Variants in PDCD4 observed in about 807,000 individuals in gnomAD.
The protein encoded by PDCD4 is programmed cell death 4.
Under a neutral mutation model 54.0 loss-of-function variants are expected in PDCD4, and 56 were observed. The ratio of observed to expected loss-of-function variants is 1.04; its 90% CI spans 0.84 to 1.30. The LOEUF (loss-of-function observed/expected upper bound fraction) is 1.30, where lower values mean the gene tolerates loss of function less well. Among genes scored for constraint, PDCD4 ranks in the 50% most tolerant of loss-of-function variants. The pLI, the probability that PDCD4 is intolerant of heterozygous loss-of-function variation, is 0.00. For missense variants in PDCD4, 584 were observed against 559.8 expected, an observed-to-expected ratio of 1.04 and a Z score of -0.44; for synonymous variants, 186 against 194.8, an observed-to-expected ratio of 0.95 and a Z score of 0.37.
intron 2 of PDCD4, among the ~76,000 whole-genome samples, chr10:110,876,985 G>T (rs1845515356): frequency 6.6e-6 from 1 of 151,992 alleles, no homozygotes; most frequent in Non-Finnish European, 1.5e-5. Flanking sequence ...ACTCACTATT[G>T]TTTACAATGT....
intron 2 of PDCD4, among the ~76,000 whole-genome samples, chr10:110,877,676 A>G (rs566062372): frequency 1.9e-4 from 29 of 152,286 alleles, no homozygotes; most frequent in African/African-American, 5.8e-4. Flanking sequence ...GCTTGTGTCC[A>G]GCACTGCTTT....
chr10:110,887,699 A>G lies in PDCD4; in HGVS notation c.590A>G (p.Lys197Arg). ...AGAGATTTAAATCTTGGTGAAATGA[A>G]AAGTGGAGTACCAGTGTTGGCAGTA... Reference protein sequence around the residue: ...MLRDLNLGEMKSGVPVLAVSL... With the variant: ...MLRDLNLGEMRSGVPVLAVSL... The change falls in exon 6 of 12, where the codon AAA becomes AGA. Residue 197 changes from lysine (K) to arginine (R), a missense_variant. Lys to Arg is a conservative substitution (Grantham distance 26). Coordinates refer to ENST00000280154, the MANE Select transcript of PDCD4 (RefSeq NM_014456.5). 4 of 1,613,044 alleles carry G rather than the reference A, an allele frequency of 2.5e-6. No individual in the cohort carries two copies. The highest frequency in any genetic ancestry group is 3.4e-6 in the Non-Finnish European group (4 of 1,179,238).
chr10:110,889,342 A>G (rs1845720553), intron 6 of PDCD4, among the ~76,000 whole-genome samples, 191 bp from the exon 7 acceptor site: 1 of 151,930 alleles, frequency 6.6e-6, no homozygotes, highest in Non-Finnish European at 1.5e-5. Context: ...CTTAACTTGA[A>G]GGTTAAGATG....
chr10:110,894,416 T>A lies in PDCD4; in HGVS notation c.1103T>A (p.Ile368Asn). 1 of 1,493,214 alleles carries A rather than the reference T, an allele frequency of 6.7e-7. No individual in the cohort carries two copies. Among genetic ancestry groups the A allele is most frequent in the Non-Finnish European group, 9.3e-7 (1 of 1,074,216 alleles). The allele number at this position is 1,493,214 out of a possible 1,614,324, so 92.5% of individuals were successfully genotyped here. A position where few individuals can be genotyped will look rare whatever the true frequency, so the allele number is the denominator to read the frequency against. Residue 368 changes from isoleucine (I) to asparagine (N), a missense_variant, in exon 10 of 12, where the codon ATT (isoleucine) becomes AAT (asparagine). Physicochemically the swap from Ile to Asn is moderately radical, Grantham distance 149. Coordinates refer to ENST00000280154, the MANE Select transcript of PDCD4 (RefSeq NM_014456.5). The stretch of plus-strand genomic sequence containing the variant: ...ACTCATTGATTCAATTTTTAGGCTA[T>A]TATAATGGTTTTAGAGTCAACTGGA... ...HFHHELVYEAIIMVLESTGES... is the reference protein window; with the variant it reads ...HFHHELVYEANIMVLESTGES...
chr10:110,887,880 A>G lies in PDCD4; in HGVS notation c.771A>G (p.Ala257=). 1 of 1,594,300 alleles carries G rather than the reference A, an allele frequency of 6.3e-7. No homozygotes were observed. The highest frequency in any genetic ancestry group is 2.2e-5 in the East Asian group (1 of 44,720). Residue 257 remains alanine (A), a synonymous_variant, in exon 6 of 12, where the codon GCA becomes GCG. Coordinates refer to ENST00000280154, the MANE Select transcript of PDCD4 (RefSeq NM_014456.5). Reference sequence around the variant, plus strand: ...AATTAGCACTGGATACTCCTAGAGCACCACAGGTTTGTATGATTCTTCTTT... The same window carrying G: ...AATTAGCACTGGATACTCCTAGAGCGCCACAGGTTTGTATGATTCTTCTTT... ...LPELALDTPR[A]PQLVGQFIAR... is the part of the protein sequence containing the mutation.
chr10:110,884,527 A>C (rs1845639439), intron 4 of PDCD4, among the ~76,000 whole-genome samples: 1 of 152,016 alleles, frequency 6.6e-6, no homozygotes. Flanking sequence ...AATAATGCTA[A>C]TCGTGAAGGC....
Position 110,887,742 on chromosome 10 carries a change from G to A in PDCD4, c.633G>A (p.Gly211=). ...PVLAVSLALE[G]KASHREMTSK... is the part of the protein sequence containing the mutation. Reference sequence around the variant, plus strand: ...TGGCAGTATCCTTAGCATTGGAGGGGAAGGCTAGTCATAGAGAGATGACAT... The same window carrying A: ...TGGCAGTATCCTTAGCATTGGAGGGAAAGGCTAGTCATAGAGAGATGACAT... Residue 211 remains glycine, a synonymous_variant, in exon 6 of 12, where the codon GGG becomes GGA. Coordinates refer to ENST00000280154, the MANE Select transcript of PDCD4 (RefSeq NM_014456.5). 1 of 1,613,394 alleles carries A rather than the reference G, an allele frequency of 6.2e-7. No homozygotes were observed. Among genetic ancestry groups the A allele is most frequent in the Non-Finnish European group, 8.5e-7 (1 of 1,179,376 alleles).
At position 110,878,053 on chromosome 10, in the gene PDCD4, A is replaced by C. The variant is rs375956495; in HGVS notation, c.43+1983A>C. Among the ~76,000 whole-genome samples, 274 of 152,306 alleles carry C rather than the reference A, an allele frequency of 1.8e-3. 2 individuals are homozygous for C. The highest frequency in any genetic ancestry group is 6.3e-3 in the African/African-American group (263 of 41,570). On this transcript the variant is annotated intron_variant, in intron 2 of 11. Coordinates refer to ENST00000280154, the MANE Select transcript of PDCD4 (RefSeq NM_014456.5). ...CAATTGGAGTGGTTACTATTGAGAT[A>C]TCAGAATTCAGAAAGAGGGAATTAG...
intron 7 of PDCD4, among the ~76,000 whole-genome samples, 165 bp from the exon 8 acceptor site, chr10:110,890,391 C>A (rs1845736348): frequency 6.6e-6 from 1 of 152,168 alleles, no homozygotes; most frequent in Non-Finnish European, 1.5e-5. Flanking sequence ...TGAGGATCAA[C>A]TTCTTTTTGC....
intron 1 of PDCD4, among the ~76,000 whole-genome samples, chr10:110,874,288 G>A (rs1445698774): frequency 3.3e-5 from 5 of 152,134 alleles, no homozygotes; most frequent in African/African-American, 1.2e-4. Context: ...CGCTTATTAG[G>A]TTCTGCAGAA....
chr10:110,887,381 A>G (rs1422229654), intron 5 of PDCD4, among the ~76,000 whole-genome samples: 1 of 152,168 alleles, frequency 6.6e-6, no homozygotes, highest in Non-Finnish European at 1.5e-5. Context: ...CTCAGAATGT[A>G]TCTGTGTCGT....
chr10:110,881,380 G>C lies in PDCD4; in HGVS notation c.191G>C (p.Arg64Thr). The C allele has an allele frequency of 6.2e-7, 1 of 1,614,176 alleles. No homozygotes were observed. The highest frequency in any genetic ancestry group is 1.1e-5 in the South Asian group (1 of 91,086). ...AATGCCAAGGCAAAAAGGCGACTAA[G>C]GAAAAACTCATCCCGGGACTCTGGC... ...RINAKAKRRLRKNSSRDSGRG... is the reference protein window; with the variant it reads ...RINAKAKRRLTKNSSRDSGRG... Residue 64 changes from arginine (R) to threonine (T), a missense_variant, in exon 3 of 12, where the codon AGG becomes ACG. By Grantham distance (71) the Arg-to-Thr change is moderately conservative (BLOSUM62 -1). Coordinates refer to ENST00000280154, the MANE Select transcript of PDCD4 (RefSeq NM_014456.5).
Position 110,881,333 on chromosome 10 carries a change from C to T in PDCD4, c.144C>T (p.Ser48=), listed in dbSNP as rs1284013857. Residue 48 remains serine (S), a synonymous_variant, in exon 3 of 12, where the codon TCC becomes TCT. Coordinates refer to ENST00000280154, the MANE Select transcript of PDCD4 (RefSeq NM_014456.5). ...TAAATGGAAATTGGATTTCAGCATC[C>T]TCCATTAACGAAGCTAGAATTAATG... ...NEINGNWISA[S]SINEARINAK... is the part of the protein sequence containing the mutation. 1.2e-6 allele frequency: 2 copies of T among 1,613,804 alleles called. No homozygotes were observed. Among genetic ancestry groups the T allele is most frequent in the Non-Finnish European group, 1.7e-6 (2 of 1,179,828 alleles).
Position 110,899,154 on chromosome 10 carries a change from T to A in PDCD4, c.*1066T>A, listed in dbSNP as rs1407340708. On this transcript the variant is annotated 3_prime_UTR_variant, in exon 12 of 12. Coordinates refer to ENST00000280154, the MANE Select transcript of PDCD4 (RefSeq NM_014456.5). ...AGAATGATCATATTTTTAACCTCTT[T>A]TACATAGCCTAATAACTCAGCAAGG... 10 of 152,198 alleles carry A rather than the reference T, an allele frequency of 6.6e-5. No individual in the cohort carries two copies. Among genetic ancestry groups the A allele is most frequent in the Admixed American group, 3.9e-4 (6 of 15,278 alleles). The allele number at this position is 152,198 out of a possible 1,614,324, so 9.4% of individuals were successfully genotyped here.
intron 2 of PDCD4, among the ~76,000 whole-genome samples, chr10:110,876,998 A>G (rs528528896): frequency 1.3e-5 from 2 of 152,150 alleles, no homozygotes; most frequent in Non-Finnish European, 2.9e-5. Context: ...TACAATGTAC[A>G]TAGTTTTCTT....
intron 8 of PDCD4, among the ~76,000 whole-genome samples, chr10:110,891,442 A>G (rs1266717025): frequency 6.7e-6 from 1 of 148,388 alleles, no homozygotes; most frequent in Non-Finnish European, 1.5e-5. Flanking sequence ...TTATTGCATT[A>G]AAATGCCAGA....
At chr10:110,880,211 C>T (rs1419176739) in intron 2 of PDCD4, 1 of 152,160 alleles carries the variant, frequency 6.6e-6, no homozygotes, top group African/African-American at 2.4e-5. Flanking sequence ...TGTGGTTTCT[C>T]CTTTGAAGCT....
At chr10:110,886,022 C>T (rs1845665287) in intron 5 of PDCD4, among the ~76,000 whole-genome samples, 1 of 152,056 alleles carries the variant, frequency 6.6e-6, no homozygotes, top group African/African-American at 2.4e-5. Context: ...TATGATTTGT[C>T]TGATACTGTG....
At chr10:110,877,110 T>C (rs2135189951) in intron 2 of PDCD4, among the ~76,000 whole-genome samples, 1 of 152,382 alleles carries the variant, frequency 6.6e-6, no homozygotes, top group East Asian at 1.9e-4. Flanking sequence ...ATGTAATTAA[T>C]GATCATTTCT....
Sources: gnomAD v4.1 joint callset for allele counts (sites outside exome capture counted in the v4.1 genomes callset) on GRCh38, gnomAD v4.1.1 for gene constraint, MANE v1.5 for transcripts, NCBI Gene and HGNC (gene_info 2026-07-23, HGNC 2026-07-21) for gene names.